Variants in MAPK10 observed in about 807,000 individuals in gnomAD.
MAPK10 encodes mitogen-activated protein kinase 10.
In MAPK10, 25 loss-of-function variants were observed where a neutral mutation model predicts 59.3. The observed-to-expected ratio is 0.42, with a 90% CI of 0.31 to 0.59. The LOEUF (loss-of-function observed/expected upper bound fraction) is 0.59. Among genes scored for constraint, MAPK10 ranks in the 20% least tolerant of loss-of-function variants. The probability of loss-of-function intolerance (pLI) is 0.15; values close to 1 mark genes in which losing one functional copy is unlikely to be tolerated. For synonymous variants in MAPK10, 190 were observed against 200.5 expected, an observed-to-expected ratio of 0.95 and a Z score of 0.44; for missense variants, 351 against 568.9, an observed-to-expected ratio of 0.62 and a Z score of 3.90.
intron 4 of MAPK10, chr4:86,119,983 G>A (rs1213943043): frequency 6.6e-6 from 1 of 152,254 alleles, no homozygotes; most frequent in Non-Finnish European, 1.5e-5. Flanking sequence ...TTTTTCCACA[G>A]GTGTTGGCCC....
intron 1 of MAPK10, among the ~76,000 whole-genome samples, chr4:86,516,929 C>T (rs181443199): frequency 2.8e-4 from 42 of 152,274 alleles, no homozygotes; most frequent in Non-Finnish European, 1.9e-4. Context: ...ATTGCTCTGG[C>T]TAGGACTTCC....
At chr4:86,416,145 T>C (rs1303798060) in intron 1 of MAPK10, among the ~76,000 whole-genome samples, 1 of 152,200 alleles carries the variant, frequency 6.6e-6, no homozygotes, top group African/African-American at 2.4e-5. Flanking sequence ...GGGCAGGACC[T>C]TAATTTAATA....
chr4:86,337,991 C>G (rs1722556353), intron 2 of MAPK10, among the ~76,000 whole-genome samples: 1 of 152,174 alleles, frequency 6.6e-6, no homozygotes, highest in South Asian at 2.1e-4. Context: ...TCTCGGCCTT[C>G]CTTGACTAAA....
intron 1 of MAPK10, among the ~76,000 whole-genome samples, chr4:86,428,595 G>C (rs1747615813): frequency 6.6e-6 from 1 of 152,152 alleles, no homozygotes. Flanking sequence ...TAGACAGATA[G>C]ATAGACAACT....
intron 1 of MAPK10, among the ~76,000 whole-genome samples, chr4:86,538,818 C>T (rs1054271200): frequency 1.3e-5 from 2 of 152,040 alleles, no homozygotes; most frequent in Admixed American, 6.5e-5. Flanking sequence ...AAATCTCATA[C>T]TAAAACACCT....
At chr4:86,406,008 A>C (rs1579091336) in intron 1 of MAPK10, among the ~76,000 whole-genome samples, 2 of 152,330 alleles carry the variant, frequency 1.3e-5, no homozygotes, top group East Asian at 3.9e-4. Flanking sequence ...GTCTGCTATG[A>C]TTACACAAAG....
At chr4:86,275,575 A>G (rs1467270284) in intron 2 of MAPK10, among the ~76,000 whole-genome samples, 1 of 152,014 alleles carries the variant, frequency 6.6e-6, no homozygotes, top group Non-Finnish European at 1.5e-5. Context: ...AAAGATCCTA[A>G]AGTCAAATAT....
intron 4 of MAPK10, among the ~76,000 whole-genome samples, chr4:86,150,776 G>A (rs2066241546): frequency 6.6e-6 from 1 of 152,114 alleles, no homozygotes; most frequent in Non-Finnish European, 1.5e-5. Context: ...GCAGGAGAAT[G>A]GCAAGAACCA....
chr4:86,365,048 T>TTA (rs1737615169), upstream of MAPK10, among the ~76,000 whole-genome samples: 1 of 152,160 alleles, frequency 6.6e-6, no homozygotes. Flanking sequence ...CAGGCACTGT[T>TTA]TATATGTATT....
chr4:86,387,702 G>A (rs999202308), intron 1 of MAPK10, among the ~76,000 whole-genome samples: 4 of 151,814 alleles, frequency 2.6e-5, no homozygotes, highest in Non-Finnish European at 4.4e-5. Flanking sequence ...TGTGGCAGAA[G>A]AAAAAAGACA....
At chr4:86,136,059 T>C (rs1036936705) in intron 4 of MAPK10, among the ~76,000 whole-genome samples, 61 of 152,296 alleles carry the variant, frequency 4.0e-4, no homozygotes, top group African/African-American at 1.3e-3. Context: ...CTACGTCTGA[T>C]TGGTGTACCT....
intron 11 of MAPK10, among the ~76,000 whole-genome samples, chr4:86,035,460 G>C (rs1323447270): frequency 6.6e-6 from 1 of 150,822 alleles, no homozygotes; most frequent in Non-Finnish European, 1.5e-5. Flanking sequence ...TAAGAGAACG[G>C]AACAGTGAAA....
chr4:86,169,219 A>C (rs1307647525), intron 3 of MAPK10, among the ~76,000 whole-genome samples: 1 of 152,244 alleles, frequency 6.6e-6, no homozygotes, highest in Non-Finnish European at 1.5e-5. Flanking sequence ...ACAGAGAATG[A>C]CTTTGACGAG....
chr4:86,415,154 A>AC (rs1564828634), intron 1 of MAPK10, among the ~76,000 whole-genome samples: 1 of 146,768 alleles, frequency 6.8e-6, no homozygotes, highest in African/African-American at 2.5e-5. Flanking sequence ...AAAAAAAAAA[A>AC]AACTTCCATT....
intron 11 of MAPK10, among the ~76,000 whole-genome samples, chr4:86,046,109 T>C (rs2148950244): frequency 6.6e-6 from 1 of 150,990 alleles, no homozygotes; most frequent in South Asian, 2.1e-4. Flanking sequence ...TCTATTTGTC[T>C]GTTATTCGTG....
chr4:86,030,277 A>G (rs1009729523), intron 12 of MAPK10, among the ~76,000 whole-genome samples: 2 of 151,932 alleles, frequency 1.3e-5, no homozygotes, highest in Non-Finnish European at 1.5e-5. Flanking sequence ...GAATCTCTGG[A>G]CCAGTGGAAT....
intron 13 of MAPK10, among the ~76,000 whole-genome samples, chr4:86,023,544 T>C (rs1280510238): frequency 3.3e-5 from 5 of 152,080 alleles, no homozygotes; most frequent in Non-Finnish European, 7.4e-5. Context: ...TTCTTGACAA[T>C]ATTAAATATT....
At chr4:86,146,790 G>A (rs911802265) in intron 4 of MAPK10, among the ~76,000 whole-genome samples, 3 of 152,148 alleles carry the variant, frequency 2.0e-5, no homozygotes, top group African/African-American at 7.2e-5. Context: ...ATTTTCTGTT[G>A]GTCAATTTGT....
chr4:86,569,474 G>A (rs1223953071), intron 1 of MAPK10, among the ~76,000 whole-genome samples: 1 of 151,888 alleles, frequency 6.6e-6, no homozygotes, highest in African/African-American at 2.4e-5. Context: ...AAATTAAATC[G>A]TATTTTTAAA....
Sources: allele counts gnomAD v4.1 joint callset (sites outside exome capture counted in the v4.1 genomes callset), GRCh38; gene constraint gnomAD v4.1.1; transcripts MANE v1.5; gene names NCBI Gene and HGNC (gene_info 2026-07-23, HGNC 2026-07-21).